The following ATP6AP1 variants were observed in gnomAD, a reference collection of about 807,000 sequenced individuals.
The protein encoded by ATP6AP1 is V-type proton ATPase subunit S1.
In ATP6AP1, 1 loss-of-function variant was observed where a neutral mutation model predicts 32.0. That is an observed-to-expected ratio of 0.03 (90% CI 0.01 to 0.15). The LOEUF is 0.15. ATP6AP1 is among the 10% of genes least tolerant of loss of function. ATP6AP1 has a pLI of 1.00. For synonymous variants in ATP6AP1, 187 were observed against 174.9 expected, an observed-to-expected ratio of 1.07 and a Z score of -0.55; for missense variants, 297 against 398.8, an observed-to-expected ratio of 0.74 and a Z score of 2.17.
rs183479139 is a variant in ATP6AP1 at position 154,431,752 on chromosome X, G to A, written c.289-78G>A. ...GACTTTGCTGGCCCTGAGAATGCAC[G>A]GGGAAGGTGGCTGTCCCCTGCCTTG... is the stretch of plus-strand genomic sequence containing the variant. On this transcript the variant is annotated intron_variant, in intron 2 of 9. Coordinates refer to ENST00000369762, the MANE Select transcript of ATP6AP1 (RefSeq NM_001183.6). 1.9e-3 allele frequency: 1,925 copies of A among 996,014 alleles called. 2 individuals are homozygous for A. Among genetic ancestry groups the A allele is most frequent in the Non-Finnish European group, 2.6e-3 (1,805 of 707,679 alleles). 82.1% of individuals were successfully genotyped at this position (996,014 alleles called of 1,213,427 possible). A position where few individuals can be genotyped will look rare whatever the true frequency, so the allele number is the denominator to read the frequency against.
At position 154,435,886 on chromosome X, in the gene ATP6AP1, G is replaced by A. The variant is rs1557197604; in HGVS notation, c.1408G>A (p.Val470Met). 8.3e-7 allele frequency: 1 copy of A among 1,206,023 alleles called. No homozygotes were observed. Among genetic ancestry groups the A allele is most frequent in the South Asian group, 1.8e-5 (1 of 56,937 alleles). Residue 470 changes from valine (V) to methionine (M), a missense_variant, in exon 10 of 10, where the codon GTG becomes ATG. Coordinates refer to ENST00000369762, the MANE Select transcript of ATP6AP1 (RefSeq NM_001183.6). ...KGPTISLTQI[V>M] ...CCCCACTATTTCTTTGACCCAGATTGTGTGACCCTGTGCCAGTGGGGGGGT... is the reference window on the plus strand; with the variant it reads ...CCCCACTATTTCTTTGACCCAGATTATGTGACCCTGTGCCAGTGGGGGGGT...
At chrX:154,431,510 C>A in intron 2 of ATP6AP1, 2 of 156,663 alleles carry the variant, frequency 1.3e-5, no homozygotes, top group African/African-American at 3.3e-5. Flanking sequence ...CTTCCCTGTT[C>A]CCTCCCCAGT....
chrX:154,429,991 C>T (rs2068684980), intron 2 of ATP6AP1: 1 of 112,296 alleles, frequency 8.9e-6, no homozygotes, highest in African/African-American at 3.2e-5. Context: ...GAACTGAGTC[C>T]TAGTTCTACC....
Position 154,435,455 on chromosome X carries a change from G to T in ATP6AP1, c.1153G>T (p.Val385Leu), listed in dbSNP as rs782644354. The T allele has an allele frequency of 5.8e-6, 7 of 1,210,639 alleles. No homozygotes were observed. In the East Asian group the frequency reaches 2.1e-4, roughly 36 times the overall value. The change falls in exon 9 of 10, where the codon GTG (valine) becomes TTG (leucine). Residue 385 changes from valine to leucine, a missense_variant. Val to Leu is a conservative substitution (Grantham distance 32). Transcript: ENST00000369762. ...CCTGAGCAAGAAGGGTAGTCTCCTCGTGGCCCGCACGCAGCCCTCTCCCTG... is the reference window on the plus strand; with the variant it reads ...CCTGAGCAAGAAGGGTAGTCTCCTCTTGGCCCGCACGCAGCCCTCTCCCTG... ...SSLSKKGSLL[V>L]ARTQPSPWQM...
rs199817275 is a variant in ATP6AP1 at position 154,435,903 on chromosome X, TG to T, written c.*19del. The T allele has an allele frequency of 2.5e-6, 3 of 1,194,408 alleles. No individual in the cohort carries two copies. The highest frequency in any genetic ancestry group is 3.5e-5 in the South Asian group (2 of 56,498). On this transcript the variant is annotated 3_prime_UTR_variant, in exon 10 of 10. Coordinates refer to ENST00000369762, the MANE Select transcript of ATP6AP1 (RefSeq NM_001183.6). The stretch of plus-strand genomic sequence containing the variant: ...CCCAGATTGTGTGACCCTGTGCCAG[TG>T]GGGGGGTTGAGGGTGGGACGGTGTC...
At chrX:154,432,901 G>A (rs1557197069) in intron 4 of ATP6AP1, 30 bp from the exon 5 acceptor site, 4 of 1,209,118 alleles carry the variant, frequency 3.3e-6, no homozygotes, top group Non-Finnish European at 4.5e-6. Flanking sequence ...GGCCGCCTGA[G>A]GACTCTGGCG....
At chrX:154,432,806 A>G in intron 4 of ATP6AP1, 125 bp from the exon 5 acceptor site, 1 of 829,796 alleles carries the variant, frequency 1.2e-6, no homozygotes, top group Non-Finnish European at 1.8e-6. Context: ...GGGGGCACTG[A>G]GGTAAGAGTG....
In ATP6AP1 at chrX:154,432,311, G is replaced by A. The variant is rs782606556; in HGVS notation, c.409G>A (p.Asp137Asn). The change falls in exon 4 of 10, where the codon GAC becomes AAC. Residue 137 changes from aspartate (D) to asparagine (N), a missense_variant. By Grantham distance (23) the Asp-to-Asn change is conservative. Coordinates refer to ENST00000369762, the MANE Select transcript of ATP6AP1 (RefSeq NM_001183.6). The part of the protein sequence containing the change: ...APSSLVLPAV[D>N]WYAVSTLTTY... ...CTCCTCACTGGTGCTTCCTGCCGTC[G>A]ACTGGTATGCAGTCAGCACTCTGAC... The A allele has an allele frequency of 2.6e-5, 32 of 1,211,108 alleles. No homozygotes were observed. Among genetic ancestry groups the A allele is most frequent in the Non-Finnish European group, 3.4e-5 (30 of 894,858 alleles).
rs1557197518 is a variant in ATP6AP1, at chrX:154,435,437, A to G, written c.1135A>G (p.Lys379Glu). The G allele has an allele frequency of 1.6e-6, 2 of 1,212,246 alleles. No homozygotes were observed. The highest frequency in any genetic ancestry group is 4.3e-5 in the Admixed American group (2 of 46,116). ...CTGCGAGTATGTCAGCAGCCTGAGC[A>G]AGAAGGGTAGTCTCCTCGTGGCCCG... ...FHCEYVSSLS[K>E]KGSLLVARTQ... The change falls in exon 9 of 10, where the codon AAG becomes GAG. Residue 379 changes from lysine (K) to glutamate (E), a missense_variant. Around this residue, in one of 2 missense-constraint regions of ATP6AP1, gnomAD observed 155 missense variants for 253.8 expected, o/e 0.61. Coordinates refer to ENST00000369762, the MANE Select transcript of ATP6AP1 (RefSeq NM_001183.6).
chrX:154,432,632 G>A (rs899834904), intron 4 of ATP6AP1, among the ~76,000 whole-genome samples, 173 bp downstream of exon 4: 3 of 112,570 alleles, frequency 2.7e-5, no homozygotes, highest in Non-Finnish European at 5.6e-5. Flanking sequence ...CCTCTTCTGT[G>A]ACTCAGGAGT....
chrX:154,435,547 G>C, intron 9 of ATP6AP1, 42 bp downstream of exon 9: 2 of 1,193,894 alleles, frequency 1.7e-6, no homozygotes, highest in Admixed American at 4.4e-5. Context: ...GGGGAGCCCA[G>C]GCTAGTGGTT....
intron 2 of ATP6AP1, chrX:154,430,561 A>G (rs1274210291): frequency 8.9e-6 from 1 of 112,274 alleles, no homozygotes. Flanking sequence ...TATGGCAGTG[A>G]GCAGAAGAAC....
At chrX:154,430,277 A>G (rs782346474) in intron 2 of ATP6AP1, 1 of 110,480 alleles carries the variant, frequency 9.1e-6, no homozygotes, top group East Asian at 2.8e-4. Flanking sequence ...CACCCAGCTA[A>G]TTTTTGTATT....
At chrX:154,429,011 G>A in intron 1 of ATP6AP1, 37 bp from the exon 2 acceptor site, 1 of 1,201,581 alleles carries the variant, frequency 8.3e-7, no homozygotes, top group Non-Finnish European at 1.1e-6. Flanking sequence ...GTCCACATGC[G>A]CCCCCGTCTG....
chrX:154,432,830 C>A, intron 4 of ATP6AP1, 101 bp from the exon 5 acceptor site: 2 of 984,973 alleles, frequency 2.0e-6, no homozygotes, highest in Non-Finnish European at 2.9e-6. Flanking sequence ...AGGCTTGGTG[C>A]GTGGGGCTAG....
chrX:154,436,454 C>G lies in ATP6AP1; in HGVS notation c.*563C>G, dbSNP rs1603384705. ...TTTGGCATGTTCCCACCGGGAGTGC[C>G]GGGCAGGAGCATGGGGTGCTTGGTT... On this transcript the variant is annotated 3_prime_UTR_variant, in exon 10 of 10. Transcript: ENST00000369762. 2 of 112,731 alleles carry G rather than the reference C, an allele frequency of 1.8e-5. No homozygotes were observed. Among genetic ancestry groups the G allele is most frequent in the South Asian group, 7.4e-4 (2 of 2,693 alleles). 9.3% of individuals were successfully genotyped at this position (112,731 alleles called of 1,213,427 possible).
chrX:154,430,147 C>A (rs1455564294), intron 2 of ATP6AP1: 1 of 106,374 alleles, frequency 9.4e-6, no homozygotes, highest in Non-Finnish European at 1.9e-5. Flanking sequence ...GCTCTGTTGC[C>A]CAGGCTGGAA....
Position 154,432,257 on chromosome X carries a change from T to C in ATP6AP1, c.364-9T>C. ...GCTAACTCACCTTTTGCCTCTCCCC[T>C]GTCCCCAGAATGCCCTGGACCTGGC... is the stretch of plus-strand genomic sequence containing the variant. On this transcript the variant is annotated splice_polypyrimidine_tract_variant and intron_variant, in intron 3 of 9. Coordinates refer to ENST00000369762, the MANE Select transcript of ATP6AP1 (RefSeq NM_001183.6). The C allele has an allele frequency of 6.7e-6, 8 of 1,192,997 alleles. No individual in the cohort carries two copies. The highest frequency in any genetic ancestry group is 9.1e-6 in the Non-Finnish European group (8 of 882,517).
rs1384599989 is a variant in ATP6AP1, at chrX:154,435,211, A to C, written c.971+25A>C. On this transcript the variant is annotated intron_variant, in intron 8 of 9. Transcript: ENST00000369762. ...AGTGAGTCCTGGGGGTGGTTGAGGTATGGGTGGGCTGGTGTGGCCCCAGCC... is the reference window on the plus strand; with the variant it reads ...AGTGAGTCCTGGGGGTGGTTGAGGTCTGGGTGGGCTGGTGTGGCCCCAGCC... 2.5e-6 allele frequency: 3 copies of C among 1,207,698 alleles called. No homozygotes were observed. In the African/African-American group the frequency reaches 5.3e-5, roughly 21 times the overall value.
Sources: allele counts gnomAD v4.1 joint callset (sites outside exome capture counted in the v4.1 genomes callset), GRCh38; gene constraint gnomAD v4.1.1; regional missense constraint gnomAD v4.1.1; transcripts MANE v1.5; gene names NCBI Gene and HGNC (gene_info 2026-07-23, HGNC 2026-07-21).